Variants in CAP2 observed in about 807,000 individuals in gnomAD.
CAP2 encodes the protein adenylyl cyclase-associated protein 2.
Under a neutral mutation model 57.7 loss-of-function variants are expected in CAP2, and 24 were observed. The ratio of observed to expected loss-of-function variants is 0.42; its 90% CI spans 0.30 to 0.58. The LOEUF is 0.58. Among genes scored for constraint, CAP2 ranks in the 20% least tolerant of loss-of-function variants. The pLI is 0.22. For missense variants in CAP2, 501 were observed against 590.3 expected (o/e 0.85, Z 1.57); for synonymous variants, 194 against 207.2 (o/e 0.94, Z 0.55).
chr6:17,482,371 T>C (rs1216389022), intron 4 of CAP2, among the ~76,000 whole-genome samples: 2 of 151,956 alleles, frequency 1.3e-5, no homozygotes, highest in East Asian at 1.9e-4. Flanking sequence ...TAGCCGGGCA[T>C]GGTGGCGTGC....
At chr6:17,503,827 G>A (rs1451322114) in intron 4 of CAP2, among the ~76,000 whole-genome samples, 2 of 152,166 alleles carry the variant, frequency 1.3e-5, no homozygotes, top group African/African-American at 4.8e-5. Context: ...TAACAACTCT[G>A]ATTCAAGGTC....
chr6:17,436,235 T>C (rs1463824689), intron 3 of CAP2, among the ~76,000 whole-genome samples: 1 of 152,084 alleles, frequency 6.6e-6, no homozygotes, highest in African/African-American at 2.4e-5. Flanking sequence ...GTGATTCTCC[T>C]GCCTCAGCCT....
chr6:17,416,413 A>G (rs998286085), intron 1 of CAP2, among the ~76,000 whole-genome samples: 1 of 152,144 alleles, frequency 6.6e-6, no homozygotes, highest in African/African-American at 2.4e-5. Flanking sequence ...CTTAATGGCA[A>G]CCCTGTGTAT....
chr6:17,553,946 A>G (rs573085298), intron 12 of CAP2, among the ~76,000 whole-genome samples: 5 of 152,312 alleles, frequency 3.3e-5, no homozygotes, highest in Admixed American at 1.3e-4. Flanking sequence ...ACCAAGCCTC[A>G]TCTACCCATC....
intron 2 of CAP2, among the ~76,000 whole-genome samples, chr6:17,425,365 C>T (rs1320984724): frequency 6.6e-6 from 1 of 152,200 alleles, no homozygotes; most frequent in Non-Finnish European, 1.5e-5. Flanking sequence ...CTGAACCCAA[C>T]AGGTATGGGC....
Position 17,541,076 on chromosome 6 carries a change from C to G in CAP2, c.930C>G (p.Pro310=), listed in dbSNP as rs1193148895. 3 of 1,614,008 alleles carry G rather than the reference C, an allele frequency of 1.9e-6. No homozygotes were observed. Among genetic ancestry groups the G allele is most frequent in the Non-Finnish European group, 2.5e-6 (3 of 1,179,994 alleles). The change falls in exon 9 of 13, where the codon CCC becomes CCG. Residue 310 remains proline (P), a synonymous_variant. Coordinates refer to ENST00000229922, the MANE Select transcript of CAP2 (RefSeq NM_006366.3). ...QSPTKSHTPS[P]TSPKSYPSQK... ...CCACCAAAAGTCACACTCCAAGTCC[C>G]ACATCTCCTAAATCTTATCCTTCTC...
chr6:17,467,246 G>C (rs1404046549), intron 4 of CAP2, among the ~76,000 whole-genome samples: 1 of 152,200 alleles, frequency 6.6e-6, no homozygotes, highest in Non-Finnish European at 1.5e-5. Flanking sequence ...ACTGTGAGAT[G>C]ATAAATGGAT....
At chr6:17,539,501 C>T (rs530210406) in intron 8 of CAP2, 43 bp downstream of exon 8, 1 of 1,517,376 alleles carries the variant, frequency 6.6e-7, no homozygotes, top group East Asian at 2.3e-5. Flanking sequence ...CCCTTTCCCT[C>T]TGGCTCCCAG....
At position 17,402,045 on chromosome 6, in the gene CAP2, CTG is replaced by C. The variant is rs1258288895; in HGVS notation, c.-2+8304_-2+8305del. ...TTATTTTGGTTCAGCAATCTTTAAA[CTG>C]TGTGCATTTACTATATGCAAAGGTT... On this transcript the variant is annotated intron_variant, in intron 1 of 12. Transcript: ENST00000229922. 5.9e-5 allele frequency among the ~76,000 whole-genome samples: 9 copies of C among 152,314 alleles called. No homozygotes were observed. The East Asian group carries it at 1.5e-3, about 26-fold the overall frequency.
chr6:17,434,035 A>G (rs1161675769), intron 3 of CAP2, among the ~76,000 whole-genome samples: 3 of 152,136 alleles, frequency 2.0e-5, no homozygotes, highest in South Asian at 4.2e-4. Context: ...TCTACCAATG[A>G]AAAAAATCAC....
At chr6:17,528,313 T>G (rs1193964723) in intron 7 of CAP2, among the ~76,000 whole-genome samples, 1 of 152,254 alleles carries the variant, frequency 6.6e-6, no homozygotes, top group Non-Finnish European at 1.5e-5. Flanking sequence ...TCAAGGAGCA[T>G]CTGCATAAAT....
chr6:17,399,291 G>A (rs1758749345), intron 1 of CAP2, among the ~76,000 whole-genome samples: 1 of 152,130 alleles, frequency 6.6e-6, no homozygotes, highest in Admixed American at 6.5e-5. Flanking sequence ...TTGAACTCCT[G>A]ACCTCAGGTA....
chr6:17,536,818 TCA>T (rs1382082576), intron 7 of CAP2, among the ~76,000 whole-genome samples: 1 of 152,224 alleles, frequency 6.6e-6, no homozygotes, highest in African/African-American at 2.4e-5. Flanking sequence ...TTCGTGGTTC[TCA>T]GTGTCTGAGG....
At chr6:17,538,622 G>A (rs1762828279) in intron 7 of CAP2, among the ~76,000 whole-genome samples, 1 of 152,188 alleles carries the variant, frequency 6.6e-6, no homozygotes, top group African/African-American at 2.4e-5. Context: ...CTAATTTTCA[G>A]TTGGTTCACT....
chr6:17,427,810 C>A (rs1162547008), intron 3 of CAP2, among the ~76,000 whole-genome samples: 1 of 152,166 alleles, frequency 6.6e-6, no homozygotes, highest in African/African-American at 2.4e-5. Context: ...ATTATTCAGC[C>A]TTGAAAAGGA....
chr6:17,536,530 C>T (rs1460095980), intron 7 of CAP2, among the ~76,000 whole-genome samples: 1 of 152,170 alleles, frequency 6.6e-6, no homozygotes, highest in Admixed American at 6.5e-5. Context: ...AATGCTTTGT[C>T]TCGCGTTCCT....
intron 3 of CAP2, among the ~76,000 whole-genome samples, chr6:17,449,485 C>T (rs1760348919): frequency 6.6e-6 from 1 of 152,140 alleles, no homozygotes; most frequent in African/African-American, 2.4e-5. Flanking sequence ...CAGCTCACTG[C>T]AACCTCCGCC....
intron 9 of CAP2, 74 bp from the exon 10 acceptor site, chr6:17,542,763 G>A (rs553490731): frequency 1.9e-4 from 225 of 1,186,874 alleles, no homozygotes; most frequent in Middle Eastern, 2.9e-4. Context: ...TGCTGAGCTC[G>A]TACTAATTTC....
intron 3 of CAP2, among the ~76,000 whole-genome samples, chr6:17,433,673 A>C (rs1451751785): frequency 6.6e-6 from 1 of 152,172 alleles, no homozygotes; most frequent in East Asian, 1.9e-4. Flanking sequence ...GTTGGCACCA[A>C]ATTTGCAGAA....
Sources: allele counts gnomAD v4.1 joint callset (sites outside exome capture counted in the v4.1 genomes callset), GRCh38; gene constraint gnomAD v4.1.1; transcripts MANE v1.5; gene names NCBI Gene and HGNC (gene_info 2026-07-23, HGNC 2026-07-21).